The following SLC39A11 variants were observed in gnomAD, a reference collection of about 807,000 sequenced individuals.
SLC39A11 encodes zinc transporter ZIP11.
Under a neutral mutation model 36.1 loss-of-function variants are expected in SLC39A11, and 33 were observed. That is an observed-to-expected ratio of 0.91 (90% confidence interval 0.69 to 1.22). SLC39A11 has a LOEUF of 1.22. Ranked by LOEUF, SLC39A11 falls within the 50% of genes most tolerant of loss-of-function variation. The pLI, the probability that SLC39A11 is intolerant of heterozygous loss-of-function variation, is 0.00. For synonymous variants in SLC39A11, 166 were observed against 170.3 expected (o/e 0.97, Z 0.20); for missense variants, 432 against 430.3 (o/e 1.00, Z -0.03).
intron 7 of SLC39A11, among the ~76,000 whole-genome samples, chr17:72,688,442 C>T (rs1265648725): frequency 6.6e-6 from 1 of 152,258 alleles, no homozygotes; most frequent in Non-Finnish European, 1.5e-5. Context: ...GCGAGGCCAA[C>T]TGGCGACTGC....
intron 3 of SLC39A11, among the ~76,000 whole-genome samples, chr17:73,060,235 GAAAAAAGAAA>G (rs2059801615): frequency 9.0e-6 from 1 of 111,090 alleles, no homozygotes; most frequent in Non-Finnish European, 1.9e-5. Context: ...AAAAAAGAAA[GAAAAAAGAAA>G]AAAAAAGAAA....
intron 5 of SLC39A11, among the ~76,000 whole-genome samples, chr17:72,896,236 C>G (rs1298914739): frequency 8.9e-6 from 1 of 112,554 alleles, no homozygotes; most frequent in Non-Finnish European, 1.6e-5. Context: ...GAGTCTCGCT[C>G]TGTCACCCAG....
intron 4 of SLC39A11, among the ~76,000 whole-genome samples, chr17:73,002,840 C>T (rs961983680): frequency 5.3e-5 from 8 of 152,184 alleles, no homozygotes; most frequent in African/African-American, 1.9e-4. Flanking sequence ...AGAATCTGTT[C>T]CTTGCCTCCT....
chr17:72,888,145 T>C (rs1416405849), intron 5 of SLC39A11, among the ~76,000 whole-genome samples: 3 of 152,214 alleles, frequency 2.0e-5, no homozygotes, highest in Non-Finnish European at 4.4e-5. Flanking sequence ...ATTCCACAGA[T>C]ATTAGGACGA....
chr17:72,848,413 T>A lies in SLC39A11; in HGVS notation c.601+1221A>T, dbSNP rs528156527. Among the ~76,000 whole-genome samples the A allele has an allele frequency of 1.9e-4, 29 of 152,310 alleles. No individual in the cohort carries two copies. The East Asian group carries it at 5.2e-3, about 27-fold the overall frequency. ...GCATTAATATGTCCTTTTTTCCAAT[T>A]AAAATACATCTAAAGACATAAAACA... On this transcript the variant is annotated intron_variant, in intron 6 of 9. Coordinates refer to ENST00000255559, the MANE Select transcript of SLC39A11 (RefSeq NM_139177.4).
At chr17:72,975,011 G>C (rs528075207) in intron 4 of SLC39A11, among the ~76,000 whole-genome samples, 66 of 152,268 alleles carry the variant, frequency 4.3e-4, no homozygotes, top group African/African-American at 1.4e-3. Context: ...TCCCATCTTT[G>C]TTTGGGTAAG....
intron 5 of SLC39A11, among the ~76,000 whole-genome samples, chr17:72,927,071 G>C (rs7219790): frequency 3.0e-4 from 45 of 152,134 alleles, no homozygotes; most frequent in African/African-American, 1.0e-3. Flanking sequence ...TACTGAGACA[G>C]AGTCTCCCTC....
intron 6 of SLC39A11, among the ~76,000 whole-genome samples, chr17:72,768,860 C>A: frequency 6.6e-6 from 1 of 151,648 alleles, no homozygotes; most frequent in Non-Finnish European, 1.5e-5. Context: ...TCCTAGGTTC[C>A]AGTGATTCTC....
chr17:73,076,786 G>C (rs930804334), intron 3 of SLC39A11, among the ~76,000 whole-genome samples: 1 of 150,614 alleles, frequency 6.6e-6, no homozygotes, highest in African/African-American at 2.4e-5. Flanking sequence ...AAGAGGCAAG[G>C]GGACTTTCTT....
At chr17:73,086,683 G>C (rs2060739891) in intron 2 of SLC39A11, among the ~76,000 whole-genome samples, 1 of 152,186 alleles carries the variant, frequency 6.6e-6, no homozygotes, top group Non-Finnish European at 1.5e-5. Flanking sequence ...AGCTGGGCAT[G>C]GTGGTGCACA....
At chr17:72,926,065 C>A (rs1357742638) in intron 5 of SLC39A11, among the ~76,000 whole-genome samples, 5 of 152,202 alleles carry the variant, frequency 3.3e-5, no homozygotes, top group Non-Finnish European at 7.3e-5. Flanking sequence ...CCCATGTGAG[C>A]CCTCAGGCTT....
At chr17:72,785,217 C>T (rs528566212) in intron 6 of SLC39A11, among the ~76,000 whole-genome samples, 1 of 152,250 alleles carries the variant, frequency 6.6e-6, no homozygotes, top group African/African-American at 2.4e-5. Flanking sequence ...CAGCCTGATA[C>T]ATTTGGAGAT....
chr17:72,673,863 T>A (rs989556476), intron 7 of SLC39A11, among the ~76,000 whole-genome samples: 5 of 151,252 alleles, frequency 3.3e-5, no homozygotes, highest in African/African-American at 1.2e-4. Flanking sequence ...CAGGAAGGAG[T>A]TCAAGATGAG....
In SLC39A11 at chr17:72,936,411, TAAAAAAAAAAA is replaced by T. The variant is rs746428868; in HGVS notation, c.430+11330_430+11340del. ...TGGCAGTATCTCATCTGAAAAAAAG[TAAAAAAAAAAA>T]AAAAAAAAAAAAAAAAAAAATTCCC... On this transcript the variant is annotated intron_variant, in intron 5 of 9. Transcript: ENST00000255559. Among the ~76,000 whole-genome samples, 7 of 73,460 alleles carry T rather than the reference TAAAAAAAAAAA, an allele frequency of 9.5e-5. 1 individual carries two copies. The highest frequency in any genetic ancestry group is 2.5e-4 in the African/African-American group (5 of 20,058). 48.2% of individuals were successfully genotyped at this position (73,460 alleles called of 152,430 possible). A position where few individuals can be genotyped will look rare whatever the true frequency, so the allele number is the denominator to read the frequency against.
rs573525099 is a variant in SLC39A11, at chr17:73,007,346, G to A, written c.306+24210C>T. ...TGAGGAGGGAGAATAACTTGAAACC[G>A]GAAGGCAAAGGTTGCAGTGAGCCAA... is the stretch of plus-strand genomic sequence containing the variant. On this transcript the variant is annotated intron_variant, in intron 4 of 9. Coordinates refer to ENST00000255559, the MANE Select transcript of SLC39A11 (RefSeq NM_139177.4). Among the ~76,000 whole-genome samples, 6 of 152,210 alleles carry A rather than the reference G, an allele frequency of 3.9e-5. No individual in the cohort carries two copies. In the East Asian group the frequency reaches 5.8e-4, roughly 15 times the overall value.
At chr17:72,687,232 C>T (rs140800422) in intron 7 of SLC39A11, among the ~76,000 whole-genome samples, 4 of 151,710 alleles carry the variant, frequency 2.6e-5, no homozygotes, top group East Asian at 3.9e-4. Context: ...GGTCTCACTA[C>T]GTTGCCCAGG....
rs113162696 is a variant in SLC39A11, at chr17:72,931,619, T to C, written c.430+16133A>G. ...TCAGCTGCCCGGCCCCCTCCCCAGG[T>C]GTCCTTATTCTTGGTTCAAGGTTGA... is the stretch of plus-strand genomic sequence containing the variant. On this transcript the variant is annotated intron_variant, in intron 5 of 9. Coordinates refer to ENST00000255559, the MANE Select transcript of SLC39A11 (RefSeq NM_139177.4). Among the ~76,000 whole-genome samples the C allele has an allele frequency of 2.9e-3, 449 of 152,302 alleles. 2 individuals carry two copies. Among genetic ancestry groups the C allele is most frequent in the African/African-American group, 0.01 (421 of 41,556 alleles).
At chr17:73,066,863 T>C (rs2060010922) in intron 3 of SLC39A11, among the ~76,000 whole-genome samples, 1 of 152,238 alleles carries the variant, frequency 6.6e-6, no homozygotes, top group African/African-American at 2.4e-5. Context: ...TTATTTCTTC[T>C]TTATGCCAGA....
chr17:72,698,929 C>A (rs1243477891), intron 7 of SLC39A11, among the ~76,000 whole-genome samples: 1 of 152,166 alleles, frequency 6.6e-6, no homozygotes, highest in Non-Finnish European at 1.5e-5. Flanking sequence ...TTCCTGGGTT[C>A]ACGCCATTCT....
Sources: allele counts gnomAD v4.1 joint callset (sites outside exome capture counted in the v4.1 genomes callset), GRCh38; gene constraint gnomAD v4.1.1; transcripts MANE v1.5; gene names NCBI Gene and HGNC (gene_info 2026-07-23, HGNC 2026-07-21).